The following TAF1A variants were observed in gnomAD, a reference collection of about 807,000 sequenced individuals.
TAF1A encodes TATA-box binding protein associated factor, RNA polymerase I subunit A.
Under a neutral mutation model 61.6 loss-of-function variants are expected in TAF1A, and 42 were observed. The ratio of observed to expected loss-of-function variants is 0.68; its 90% CI spans 0.53 to 0.88. The LOEUF is 0.88. Ranked by LOEUF, TAF1A falls within the 40% of genes least tolerant of loss-of-function variation. TAF1A has a pLI of 0.00. For synonymous variants in TAF1A, 179 were observed against 177.7 expected (o/e 1.01, Z -0.06); for missense variants, 424 against 518.7 (o/e 0.82, Z 1.77).
At chr1:222,559,686 T>C (rs1042658124) in intron 10 of TAF1A, among the ~76,000 whole-genome samples, 4 of 152,094 alleles carry the variant, frequency 2.6e-5, no homozygotes, top group African/African-American at 9.7e-5. Context: ...TTTGTTTTGT[T>C]GTTTTTCCTG....
chr1:222,556,598 C>T (rs1659729721), downstream of TAF1A, among the ~76,000 whole-genome samples: 1 of 152,172 alleles, frequency 6.6e-6, no homozygotes, highest in African/African-American at 2.4e-5. Context: ...TTAGCTATTA[C>T]TGTTATTCAT....
chr1:222,581,753 A>G (rs993213500), intron 3 of TAF1A, among the ~76,000 whole-genome samples: 1 of 152,186 alleles, frequency 6.6e-6, no homozygotes, highest in Admixed American at 6.5e-5. Context: ...AGAGCTTTCC[A>G]AGAACTGGTT....
rs142219314 is a variant in TAF1A, at chr1:222,566,540, A to T, written c.895-2415T>A. On this transcript the variant is annotated intron_variant, in intron 7 of 10. Transcript: ENST00000352967. ...GATGATCCCATCTGGGGGTGATGGG[A>T]GACAGTTACAGATCATTAGGCATTA... Among the ~76,000 whole-genome samples the T allele has an allele frequency of 9.3e-3, 1,410 of 152,292 alleles. 12 individuals carry two copies. Among genetic ancestry groups the T allele is most frequent in the African/African-American group, 0.032 (1,317 of 41,566 alleles).
intron 3 of TAF1A, among the ~76,000 whole-genome samples, chr1:222,580,756 G>T (rs562484008): frequency 7.8e-4 from 114 of 146,908 alleles, no homozygotes; most frequent in African/African-American, 2.7e-3. Flanking sequence ...TAAATGCAGG[G>T]GGGGAAGAAA....
rs373555800 is a variant in TAF1A, at chr1:222,564,030, C to G, written c.961+29G>C. On this transcript the variant is annotated intron_variant, in intron 8 of 10. Transcript: ENST00000352967. ...GTCCCTAGTCTATAGCTTGTCTACACAAGGTATAAAACAACATTTATTTAT... is the reference window on the plus strand; with the variant it reads ...GTCCCTAGTCTATAGCTTGTCTACAGAAGGTATAAAACAACATTTATTTAT... The G allele has an allele frequency of 2.7e-5, 37 of 1,382,506 alleles. 1 individual carries two copies. Among genetic ancestry groups the G allele is most frequent in the Middle Eastern group, 3.6e-4 (2 of 5,544 alleles). 85.6% of individuals were successfully genotyped at this position (1,382,506 alleles called of 1,614,324 possible).
In TAF1A at chr1:222,558,518, TAATACAAA is replaced by T. The variant is rs1030258675; in HGVS notation, c.*134_*141del. The T allele has an allele frequency of 1.2e-5, 4 of 328,740 alleles. No homozygotes were observed. Among genetic ancestry groups the T allele is most frequent in the African/African-American group, 2.1e-5 (1 of 46,764 alleles). The allele number at this position is 328,740 out of a possible 1,614,324, so 20.4% of individuals were successfully genotyped here. Reference sequence around the variant, plus strand: ...GTAATATTGTTTCTCTAGCTATAAATAATACAAAAATATAAAAATATATAAAAATAAGT... The same window carrying T: ...GTAATATTGTTTCTCTAGCTATAAATAATATAAAAATATATAAAAATAAGT... On this transcript the variant is annotated 3_prime_UTR_variant, in exon 11 of 11. Transcript: ENST00000352967.
rs79827307 is a variant in TAF1A, at chr1:222,588,617, T to C, written c.-2-52A>G. 3,561 of 1,573,118 alleles carry C rather than the reference T, an allele frequency of 2.3e-3. 87 individuals carry two copies. In the African/African-American group the frequency reaches 0.045, roughly 20 times the overall value. ...TTTCTGTACATCTTAATCCACAGTC[T>C]TCTGAGTTGTACAGAAAAACGGCTA... is the stretch of plus-strand genomic sequence containing the variant. On this transcript the variant is annotated intron_variant, in intron 1 of 10. Coordinates refer to ENST00000352967, the MANE Select transcript of TAF1A (RefSeq NM_005681.4).
chr1:222,563,148 G>A, intron 9 of TAF1A, 25 bp downstream of exon 9: 1 of 1,562,354 alleles, frequency 6.4e-7, no homozygotes, highest in East Asian at 2.3e-5. Context: ...TGATGACCTA[G>A]TAATAAACAC....
chr1:222,557,291 G>C (rs1443616734), downstream of TAF1A, among the ~76,000 whole-genome samples: 1 of 152,116 alleles, frequency 6.6e-6, no homozygotes, highest in Non-Finnish European at 1.5e-5. Context: ...ATATTATAAA[G>C]CTCAGCTCAT....
intron 4 of TAF1A, among the ~76,000 whole-genome samples, chr1:222,577,886 G>A (rs528211676): frequency 6.6e-6 from 1 of 152,218 alleles, no homozygotes; most frequent in South Asian, 2.1e-4. Context: ...ATATAGTGGG[G>A]AAAAAAGAGG....
At chr1:222,566,651 C>T (rs577605208) in intron 7 of TAF1A, among the ~76,000 whole-genome samples, 2 of 152,108 alleles carry the variant, frequency 1.3e-5, no homozygotes, top group Non-Finnish European at 1.5e-5. Flanking sequence ...CTAATGCCAC[C>T]GCTGATCTGA....
At chr1:222,562,426 C>CA (rs2102638607) in intron 9 of TAF1A, among the ~76,000 whole-genome samples, 1 of 152,252 alleles carries the variant, frequency 6.6e-6, no homozygotes, top group African/African-American at 2.4e-5. Context: ...TTCAGGGCTT[C>CA]AGATTTAGAA....
chr1:222,564,953 T>C (rs1427838473), intron 7 of TAF1A, among the ~76,000 whole-genome samples: 1 of 152,222 alleles, frequency 6.6e-6, no homozygotes, highest in South Asian at 2.1e-4. Flanking sequence ...CATGATTTTA[T>C]AGAATTCTGT....
chr1:222,560,230 T>A (rs1358976386), intron 10 of TAF1A, among the ~76,000 whole-genome samples: 3 of 152,148 alleles, frequency 2.0e-5, no homozygotes, highest in Non-Finnish European at 2.9e-5. Flanking sequence ...AAAACCCAGC[T>A]TAACTAATGA....
Position 222,589,795 on chromosome 1 carries a change from C to A in TAF1A, c.-71G>T, listed in dbSNP as rs1212981819. On this transcript the variant is annotated 5_prime_UTR_variant, in exon 1 of 11. Coordinates refer to ENST00000352967, the MANE Select transcript of TAF1A (RefSeq NM_005681.4). The stretch of plus-strand genomic sequence containing the variant: ...CGACTCCGGCCCACGTGAAGAAATT[C>A]CCACCGGAAGACGAGTTAGGAGAGC... The A allele has an allele frequency of 2.9e-6, 1 of 346,406 alleles. No individual in the cohort carries two copies. Among genetic ancestry groups the A allele is most frequent in the Non-Finnish European group, 5.2e-6 (1 of 193,106 alleles). 21.5% of individuals were successfully genotyped at this position (346,406 alleles called of 1,614,324 possible). A position where few individuals can be genotyped will look rare whatever the true frequency, so the allele number is the denominator to read the frequency against.
At chr1:222,581,073 G>T (rs566033805) in intron 3 of TAF1A, among the ~76,000 whole-genome samples, 1 of 152,272 alleles carries the variant, frequency 6.6e-6, no homozygotes, top group Non-Finnish European at 1.5e-5. Flanking sequence ...TCCAGCCTGG[G>T]TGACAAAGTG....
chr1:222,583,793 C>T (rs1438356276), intron 3 of TAF1A, among the ~76,000 whole-genome samples: 2 of 149,720 alleles, frequency 1.3e-5, no homozygotes, highest in East Asian at 1.9e-4. Flanking sequence ...GAGCCGAGAT[C>T]GCGCTACTTC....
intron 2 of TAF1A, among the ~76,000 whole-genome samples, chr1:222,585,603 C>T (rs1660980497): frequency 6.6e-6 from 1 of 152,174 alleles, no homozygotes; most frequent in African/African-American, 2.4e-5. Flanking sequence ...TGAGCCACCA[C>T]ACCTGGCCAA....
chr1:222,575,441 G>A (rs564491265), intron 5 of TAF1A, among the ~76,000 whole-genome samples: 1 of 152,204 alleles, frequency 6.6e-6, no homozygotes, highest in African/African-American at 2.4e-5. Context: ...CCAGGAGGTC[G>A]AGGCTGCAAT....
Sources: gnomAD v4.1 joint callset for allele counts (sites outside exome capture counted in the v4.1 genomes callset) on GRCh38, gnomAD v4.1.1 for gene constraint, MANE v1.5 for transcripts, NCBI Gene and HGNC (gene_info 2026-07-23, HGNC 2026-07-21) for gene names.